The following TC2N variants were observed in gnomAD, a reference collection of about 807,000 sequenced individuals.
TC2N encodes tandem C2 domains nuclear protein.
In TC2N, 51 loss-of-function variants were observed where a neutral mutation model predicts 61.9. The observed-to-expected ratio is 0.82, with a 90% CI of 0.66 to 1.04. TC2N has a LOEUF of 1.04. Ranked by LOEUF, TC2N falls within the 50% of genes least tolerant of loss-of-function variation. The probability of loss-of-function intolerance (pLI) is 0.00; values close to 1 mark genes in which losing one functional copy is unlikely to be tolerated. For synonymous variants in TC2N, 204 were observed against 192.6 expected (o/e 1.06, Z -0.49); for missense variants, 556 against 566.7 (o/e 0.98, Z 0.19).
At chr14:91,856,899 C>T (rs751335299) in intron 1 of TC2N, among the ~76,000 whole-genome samples, 8 of 152,194 alleles carry the variant, frequency 5.3e-5, no homozygotes, top group Non-Finnish European at 1.0e-4. Flanking sequence ...TATCCTTCAA[C>T]GCCAAAAGGC....
chr14:91,789,458 A>C (rs1885535161), intron 9 of TC2N, among the ~76,000 whole-genome samples: 1 of 151,832 alleles, frequency 6.6e-6, no homozygotes, highest in African/African-American at 2.4e-5. Context: ...AGAAAAAGAA[A>C]AAATTAGCCA....
At chr14:91,833,939 C>T (rs1454359121) in intron 1 of TC2N, among the ~76,000 whole-genome samples, 2 of 152,118 alleles carry the variant, frequency 1.3e-5, no homozygotes, top group Non-Finnish European at 2.9e-5. Flanking sequence ...AAAAATCAAA[C>T]TTTCAACGAA....
chr14:91,783,332 A>ATC, intron 11 of TC2N, 122 bp from the exon 12 acceptor site: 1 of 532,132 alleles, frequency 1.9e-6, no homozygotes, highest in Admixed American at 3.6e-5. Flanking sequence ...TTTAAATTAA[A>ATC]CATCTTTCTT....
At chr14:91,850,142 G>T (rs1402679424) in intron 1 of TC2N, among the ~76,000 whole-genome samples, 1 of 151,120 alleles carries the variant, frequency 6.6e-6, no homozygotes, top group Non-Finnish European at 1.5e-5. Flanking sequence ...TTTAAACATG[G>T]TGACAGTGCA....
At chr14:91,788,359 T>C (rs556519557) in intron 9 of TC2N, among the ~76,000 whole-genome samples, 177 of 152,316 alleles carry the variant, frequency 1.2e-3, no homozygotes, top group African/African-American at 4.2e-3. Flanking sequence ...CTTAGGTGGA[T>C]TCCAAGGTCC....
chr14:91,790,741 T>C (rs745999706), intron 9 of TC2N, among the ~76,000 whole-genome samples: 6 of 152,134 alleles, frequency 3.9e-5, no homozygotes, highest in Non-Finnish European at 7.4e-5. Flanking sequence ...CTGTAAACTA[T>C]GGCTGCAGAT....
chr14:91,812,391 T>C lies in TC2N; in HGVS notation c.222A>G (p.Pro74=). The C allele has an allele frequency of 6.2e-7, 1 of 1,612,862 alleles. No individual in the cohort carries two copies. The highest frequency in any genetic ancestry group is 8.5e-7 in the Non-Finnish European group (1 of 1,179,238). ...SKLPSDGKEV[P]FVVPKFKLSY... is the part of the protein sequence containing the mutation. ...ATAACTTAAACTTGGGCACCACAAA[T>C]GGTACTTCTTTGCCATCAGATGGTA... The change falls in exon 3 of 12, where the codon CCA becomes CCG. Residue 74 remains proline, a synonymous_variant. Transcript: ENST00000435962.
chr14:91,797,738 A>G (rs768522532), intron 8 of TC2N, 47 bp downstream of exon 8: 1 of 356,876 alleles, frequency 2.8e-6, no homozygotes, highest in Non-Finnish European at 3.9e-6. Flanking sequence ...GACAAATATA[A>G]AAAAAAAAAA....
chr14:91,801,068 ATATGTGTGTGTG>A (rs1886223356), intron 4 of TC2N, among the ~76,000 whole-genome samples: 2 of 144,336 alleles, frequency 1.4e-5, no homozygotes, highest in African/African-American at 2.7e-5. Flanking sequence ...ACATACATAT[ATATGTGTGTGTG>A]TATATATATA....
intron 9 of TC2N, among the ~76,000 whole-genome samples, chr14:91,788,352 A>G (rs1315493640): frequency 6.6e-6 from 1 of 152,238 alleles, no homozygotes; most frequent in African/African-American, 2.4e-5. Flanking sequence ...CAGACTACTT[A>G]GGTGGATTCC....
chr14:91,830,693 T>C (rs1254053581), intron 1 of TC2N, among the ~76,000 whole-genome samples: 2 of 151,922 alleles, frequency 1.3e-5, no homozygotes, highest in Non-Finnish European at 2.9e-5. Flanking sequence ...TTTAAAGGGG[T>C]GAATTTTATG....
intron 8 of TC2N, among the ~76,000 whole-genome samples, chr14:91,795,677 A>T (rs1188663194): frequency 6.6e-6 from 1 of 152,158 alleles, no homozygotes; most frequent in Non-Finnish European, 1.5e-5. Context: ...TTTTGTATGC[A>T]CTGGGAAACC....
rs888595344 is a variant in TC2N at position 91,781,393 on chromosome 14, GGAT to G, written c.*1704_*1706del. ...GACTCTAATGTAAACCATGAACTTT[GGAT>G]GATAATGATGTTTCAGAGTAGGTTC... On this transcript the variant is annotated 3_prime_UTR_variant, in exon 12 of 12. Coordinates refer to ENST00000435962, the MANE Select transcript of TC2N (RefSeq NM_001128596.3). 6.6e-6 allele frequency: 1 copy of G among 152,004 alleles called. No homozygotes were observed. Among genetic ancestry groups the G allele is most frequent in the African/African-American group, 2.4e-5 (1 of 41,400 alleles). 9.4% of individuals were successfully genotyped at this position (152,004 alleles called of 1,614,324 possible).
intron 4 of TC2N, among the ~76,000 whole-genome samples, 179 bp downstream of exon 4, chr14:91,802,075 T>A (rs1448538262): frequency 1.3e-5 from 2 of 152,256 alleles, no homozygotes; most frequent in Non-Finnish European, 2.9e-5. Context: ...AATCTTTCAA[T>A]TCTTATATTA....
intron 3 of TC2N, among the ~76,000 whole-genome samples, chr14:91,805,464 C>A (rs1886465804): frequency 6.6e-6 from 1 of 152,150 alleles, no homozygotes; most frequent in South Asian, 2.1e-4. Flanking sequence ...GTTAAGAGAT[C>A]AAGACCATCC....
chr14:91,845,178 A>G (rs1382967951), intron 1 of TC2N, among the ~76,000 whole-genome samples: 4 of 152,132 alleles, frequency 2.6e-5, no homozygotes, highest in African/African-American at 9.7e-5. Context: ...CAGTAAGCAG[A>G]GATGGTGCCA....
chr14:91,857,780 A>G (rs1248377534), intron 1 of TC2N, among the ~76,000 whole-genome samples: 2 of 152,172 alleles, frequency 1.3e-5, no homozygotes, highest in African/African-American at 4.8e-5. Flanking sequence ...CTAAAGAACC[A>G]GAGTGGTACC....
Position 91,787,500 on chromosome 14 carries a change from CT to C in TC2N, c.1162+12del. 1 of 1,523,060 alleles carries C rather than the reference CT, an allele frequency of 6.6e-7. No individual in the cohort carries two copies. Among genetic ancestry groups the C allele is most frequent in the South Asian group, 1.2e-5 (1 of 85,774 alleles). 94.3% of individuals were successfully genotyped at this position (1,523,060 alleles called of 1,614,324 possible). A position where few individuals can be genotyped will look rare whatever the true frequency, so the allele number is the denominator to read the frequency against. Reference sequence around the variant, plus strand: ...TTTCTGAAGATTCTACTTTGAACCACTGATATACTTACTCAAAGTCAGAGGT... The same window carrying C: ...TTTCTGAAGATTCTACTTTGAACCACGATATACTTACTCAAAGTCAGAGGT... On this transcript the variant is annotated intron_variant, in intron 10 of 11. Coordinates refer to ENST00000435962, the MANE Select transcript of TC2N (RefSeq NM_001128596.3).
Position 91,792,509 on chromosome 14 carries a change from A to G in TC2N, c.905T>C (p.Leu302Pro). The change falls in exon 9 of 12, where the codon CTA becomes CCA. Residue 302 changes from leucine (L) to proline (P), a missense_variant. Physicochemically the swap from Leu to Pro is moderately conservative, Grantham distance 98. Transcript: ENST00000435962. ...CTTAAATACAAGTCTTACAGTTTGT[A>G]GATTTTGAAGTTTAATAGCAAATAC... is the stretch of plus-strand genomic sequence containing the variant. The part of the protein sequence containing the change: ...TFVFAIKLQN[L>P]QTVRLVFKIQ... The G allele has an allele frequency of 6.3e-7, 1 of 1,599,750 alleles. No homozygotes were observed. The highest frequency in any genetic ancestry group is 1.1e-5 in the South Asian group (1 of 88,264).
Sources: gnomAD v4.1 joint callset for allele counts (sites outside exome capture counted in the v4.1 genomes callset) on GRCh38, gnomAD v4.1.1 for gene constraint, MANE v1.5 for transcripts, NCBI Gene and HGNC (gene_info 2026-07-23, HGNC 2026-07-21) for gene names.